The following PHLDB2 variants were observed in gnomAD, a reference collection of about 807,000 sequenced individuals.
The protein encoded by PHLDB2 is pleckstrin homology-like domain family B member 2.
PHLDB2 carries 71 observed loss-of-function variants against 123.6 expected under a neutral mutation model. The ratio of observed to expected loss-of-function variants is 0.57; its 90% CI spans 0.47 to 0.70. PHLDB2 has a LOEUF of 0.70. Among genes scored for constraint, PHLDB2 ranks in the 30% least tolerant of loss-of-function variants. The probability of loss-of-function intolerance (pLI) is 0.00; values close to 1 mark genes in which losing one functional copy is unlikely to be tolerated. For synonymous variants in PHLDB2, 547 were observed against 541.6 expected (o/e 1.01, Z -0.14); for missense variants, 1,446 against 1,519.5 (o/e 0.95, Z 0.80).
intron 5 of PHLDB2, among the ~76,000 whole-genome samples, chr3:111,925,362 A>G (rs2107546948): frequency 6.6e-6 from 1 of 152,238 alleles, no homozygotes; most frequent in East Asian, 1.9e-4. Flanking sequence ...CTGGCCTTTT[A>G]TTACCCTTAG....
intron 6 of PHLDB2, among the ~76,000 whole-genome samples, chr3:111,934,628 G>A (rs1160460366): frequency 6.6e-6 from 1 of 152,182 alleles, no homozygotes; most frequent in Non-Finnish European, 1.5e-5. Context: ...GTTAGAGTCT[G>A]AATATTATTT....
chr3:111,974,124 G>A (rs966513196), intron 17 of PHLDB2, among the ~76,000 whole-genome samples: 2 of 152,114 alleles, frequency 1.3e-5, no homozygotes, highest in African/African-American at 4.8e-5. Context: ...AGTCCTAGTA[G>A]GGCTAAGAAT....
chr3:111,883,322 T>C (rs2066021593), intron 1 of PHLDB2, among the ~76,000 whole-genome samples: 1 of 152,196 alleles, frequency 6.6e-6, no homozygotes, highest in Admixed American at 6.5e-5. Flanking sequence ...TAGGTCCTGA[T>C]AGTTGTTTCT....
At chr3:111,812,043 C>T (rs2061863621) in intron 1 of PHLDB2, among the ~76,000 whole-genome samples, 1 of 152,194 alleles carries the variant, frequency 6.6e-6, no homozygotes, top group Non-Finnish European at 1.5e-5. Flanking sequence ...AACCCCGTCT[C>T]TGTGAAATCT....
intron 2 of PHLDB2, among the ~76,000 whole-genome samples, chr3:111,849,428 C>T (rs1208234429): frequency 6.6e-6 from 1 of 152,178 alleles, no homozygotes; most frequent in Non-Finnish European, 1.5e-5. Flanking sequence ...ACCTTGGCCT[C>T]CCAAAGCGCT....
chr3:111,868,033 T>A (rs2065166929), intron 1 of PHLDB2, among the ~76,000 whole-genome samples: 1 of 151,972 alleles, frequency 6.6e-6, no homozygotes, highest in African/African-American at 2.4e-5. Context: ...AGGATCTTGC[T>A]GCGTCACCCA....
At chr3:111,767,428 A>G (rs2060101833) in intron 1 of PHLDB2, among the ~76,000 whole-genome samples, 1 of 152,240 alleles carries the variant, frequency 6.6e-6, no homozygotes, top group Non-Finnish European at 1.5e-5. Context: ...AAACTAGTGA[A>G]TCAAATATCT....
At chr3:111,925,953 G>A (rs2068791228) in intron 5 of PHLDB2, among the ~76,000 whole-genome samples, 1 of 152,208 alleles carries the variant, frequency 6.6e-6, no homozygotes, top group South Asian at 2.1e-4. Context: ...TAAATAAAAT[G>A]GTTAAGAAAA....
In PHLDB2 at chr3:111,783,661, C is replaced by T. The variant is rs1045124953; in HGVS notation, c.-49+50958C>T. Among the ~76,000 whole-genome samples the T allele has an allele frequency of 9.2e-5, 14 of 152,126 alleles. No homozygotes were observed. The South Asian group carries it at 2.7e-3, about 29-fold the overall frequency. ...ATAACTATAAAGGTACTTGTATTCC[C>T]GAGACAGAAAATTGACCTTCTAATT... On this transcript the variant is annotated intron_variant, in intron 1 of 17. Coordinates refer to the PHLDB2 transcript ENST00000393923.
At position 111,749,270 on chromosome 3, in the gene PHLDB2, T is replaced by C. The variant is rs569019564; in HGVS notation, c.-49+16567T>C. On this transcript the variant is annotated intron_variant, in intron 1 of 17. Coordinates refer to the PHLDB2 transcript ENST00000393923. Reference sequence around the variant, plus strand: ...TAAACTATGATAGCACAGAAATCACTGAATTGCTTAACTCAAGAGTTAAAT... The same window carrying C: ...TAAACTATGATAGCACAGAAATCACCGAATTGCTTAACTCAAGAGTTAAAT... Among the ~76,000 whole-genome samples, 3 of 152,230 alleles carry C rather than the reference T, an allele frequency of 2.0e-5. No individual in the cohort carries two copies. The East Asian group carries it at 5.8e-4, about 29-fold the overall frequency.
chr3:111,790,885 A>G (rs1257305619), intron 1 of PHLDB2, among the ~76,000 whole-genome samples: 1 of 152,218 alleles, frequency 6.6e-6, no homozygotes, highest in Admixed American at 6.5e-5. Flanking sequence ...AGTATTAATG[A>G]TATAAAATGT....
At chr3:111,901,136 A>G (rs367774495) in intron 2 of PHLDB2, among the ~76,000 whole-genome samples, 9 of 152,184 alleles carry the variant, frequency 5.9e-5, no homozygotes, top group Non-Finnish European at 1.0e-4. Context: ...GAGGCGGGCG[A>G]ATCACGAGGT....
intron 15 of PHLDB2, among the ~76,000 whole-genome samples, chr3:111,969,119 C>T (rs2072003705): frequency 6.6e-6 from 1 of 152,148 alleles, no homozygotes; most frequent in Non-Finnish European, 1.5e-5. Context: ...GTTTTGATTC[C>T]ACTTCTGTCT....
intron 2 of PHLDB2, among the ~76,000 whole-genome samples, chr3:111,897,050 C>T (rs1485862566): frequency 6.6e-6 from 1 of 152,218 alleles, no homozygotes; most frequent in African/African-American, 2.4e-5. Context: ...CAGAACAGTT[C>T]TAACACCACA....
intron 1 of PHLDB2, among the ~76,000 whole-genome samples, chr3:111,810,643 T>C (rs2061794699): frequency 6.6e-6 from 1 of 152,224 alleles, no homozygotes; most frequent in African/African-American, 2.4e-5. Flanking sequence ...TACAGTCATA[T>C]TGAGGGTTAG....
intron 2 of PHLDB2, among the ~76,000 whole-genome samples, chr3:111,901,047 C>G (rs1355661117): frequency 1.3e-5 from 2 of 152,018 alleles, no homozygotes; most frequent in Non-Finnish European, 2.9e-5. Context: ...CTACATAAAA[C>G]TTTGTGACAT....
chr3:111,974,857 G>A lies in PHLDB2; in HGVS notation c.*294G>A, dbSNP rs113003041. 2.9e-5 allele frequency: 6 copies of A among 206,090 alleles called. No individual in the cohort carries two copies. The highest frequency in any genetic ancestry group is 4.6e-5 in the African/African-American group (2 of 43,658). 12.8% of individuals were successfully genotyped at this position (206,090 alleles called of 1,614,324 possible). Reference sequence around the variant, plus strand: ...AATAAACTGTTTTTAATCAGTTGTCGGATTTGGTGAAATAAACTAAACAGG... The same window carrying A: ...AATAAACTGTTTTTAATCAGTTGTCAGATTTGGTGAAATAAACTAAACAGG... On this transcript the variant is annotated 3_prime_UTR_variant, in exon 18 of 18. Transcript: ENST00000431670.
chr3:111,797,404 T>A (rs1172804184), intron 1 of PHLDB2, among the ~76,000 whole-genome samples: 1 of 152,180 alleles, frequency 6.6e-6, no homozygotes, highest in Non-Finnish European at 1.5e-5. Flanking sequence ...ATAGACCATC[T>A]CACTTTCCTA....
upstream of PHLDB2, among the ~76,000 whole-genome samples, chr3:111,855,917 C>T (rs977025319): frequency 3.9e-5 from 6 of 152,144 alleles, no homozygotes; most frequent in Admixed American, 6.5e-5. Flanking sequence ...AGGCATGAGC[C>T]ATTGAGCCTG....
Sources: allele counts gnomAD v4.1 joint callset (sites outside exome capture counted in the v4.1 genomes callset), GRCh38; gene constraint gnomAD v4.1.1; transcripts MANE v1.5; gene names NCBI Gene and HGNC (gene_info 2026-07-23, HGNC 2026-07-21).